RMDN2: variants seen among roughly 807,000 people sequenced by gnomAD.
RMDN2 encodes the protein regulator of microtubule dynamics protein 2.
In RMDN2, 61 loss-of-function variants were observed where a neutral mutation model predicts 52.8. That is an observed-to-expected ratio of 1.16 (90% CI 0.94 to 1.43). RMDN2 has a LOEUF of 1.43. RMDN2 is among the 40% of genes most tolerant of loss of function. RMDN2 has a pLI of 0.00. For synonymous variants in RMDN2, 180 were observed against 153.1 expected (o/e 1.18, Z -1.30); for missense variants, 592 against 475.3 (o/e 1.25, Z -2.28).
At chr2:37,946,685 A>G (rs1244140727) in intron 2 of RMDN2, among the ~76,000 whole-genome samples, 4 of 152,284 alleles carry the variant, frequency 2.6e-5, no homozygotes, top group African/African-American at 9.6e-5. Flanking sequence ...ATTCAAGACT[A>G]TATACTACCA....
In RMDN2 at chr2:38,017,537, A is replaced by G. The variant is rs368178071; in HGVS notation, c.*298A>G. The G allele has an allele frequency of 2.7e-6, 3 of 1,129,290 alleles. No individual in the cohort carries two copies. The highest frequency in any genetic ancestry group is 3.5e-6 in the Non-Finnish European group (3 of 853,824). 70.0% of individuals were successfully genotyped at this position (1,129,290 alleles called of 1,614,324 possible). On this transcript the variant is annotated 3_prime_UTR_variant, in exon 11 of 11. Transcript: ENST00000354545. ...TCTTTAAATAAAATATTTAAATCCA[A>G]TAAAATGAATTCTCATGAATATTTT...
At chr2:38,034,582 T>TA (rs1267358006) in intron 10 of RMDN2, among the ~76,000 whole-genome samples, 3 of 152,148 alleles carry the variant, frequency 2.0e-5, no homozygotes, top group Admixed American at 1.3e-4. Flanking sequence ...CAAAAAGGAT[T>TA]AAATTGTATT....
At chr2:38,024,837 T>C (rs1679658731) in intron 10 of RMDN2, among the ~76,000 whole-genome samples, 1 of 152,148 alleles carries the variant, frequency 6.6e-6, no homozygotes, top group Non-Finnish European at 1.5e-5. Flanking sequence ...AAAATCAGCT[T>C]TCCATATATG....
At chr2:37,933,346 C>T (rs577055784) in intron 2 of RMDN2, among the ~76,000 whole-genome samples, 7 of 152,132 alleles carry the variant, frequency 4.6e-5, no homozygotes, top group South Asian at 2.1e-4. Flanking sequence ...CAGGCGGAGA[C>T]GCTCCTCACT....
At chr2:38,048,372 G>A (rs189047184) in intron 10 of RMDN2, among the ~76,000 whole-genome samples, 17 of 152,312 alleles carry the variant, frequency 1.1e-4, no homozygotes, top group African/African-American at 3.8e-4. Context: ...TTCTTGGGCA[G>A]GACTTTACAA....
At chr2:37,943,246 C>T (rs1477777760) in intron 2 of RMDN2, among the ~76,000 whole-genome samples, 11 of 152,150 alleles carry the variant, frequency 7.2e-5, no homozygotes, top group Non-Finnish European at 1.6e-4. Flanking sequence ...GGAACCAGTA[C>T]TGAAGAAGTG....
chr2:37,972,645 C>G (rs1002078532), intron 2 of RMDN2, among the ~76,000 whole-genome samples: 3 of 152,132 alleles, frequency 2.0e-5, no homozygotes, highest in Non-Finnish European at 2.9e-5. Context: ...GGGTCAAGGA[C>G]TAAAGCAAAG....
At chr2:38,066,534 G>A (rs1219303305) in intron 10 of RMDN2, among the ~76,000 whole-genome samples, 4 of 152,154 alleles carry the variant, frequency 2.6e-5, no homozygotes, top group Admixed American at 1.3e-4. Flanking sequence ...GCCAAAAAAC[G>A]GAGAGTTAAC....
intron 2 of RMDN2, among the ~76,000 whole-genome samples, chr2:37,931,110 C>G (rs1666702294): frequency 6.6e-6 from 1 of 151,082 alleles, no homozygotes. Context: ...TAAAACCAGT[C>G]AACAACTTTT....
At position 37,989,613 on chromosome 2, in the gene RMDN2, C is replaced by A. The variant is rs763187680; in HGVS notation, c.864C>A (p.Phe288Leu). The A allele has an allele frequency of 4.4e-6, 7 of 1,576,764 alleles. No individual in the cohort carries two copies. The Admixed American group carries it at 1.0e-4, about 23-fold the overall frequency. Residue 288 changes from phenylalanine to leucine, a missense_variant, in exon 6 of 11, where the codon TTC becomes TTA. Physicochemically the swap from Phe to Leu is conservative, Grantham distance 22. Coordinates refer to ENST00000354545, the MANE Select transcript of RMDN2 (RefSeq NM_001170791.3). ...ACAAAATCAACTATGGGCACCTCTT[C>A]AAGGTATTTCTTTTTTTTTTTTCAT... ...LQNKINYGHL[F>L]KEHLDIAIKL...
chr2:38,054,911 C>A (rs1332783505), intron 10 of RMDN2, among the ~76,000 whole-genome samples: 1 of 152,076 alleles, frequency 6.6e-6, no homozygotes, highest in Non-Finnish European at 1.5e-5. Context: ...GACGGGGGGA[C>A]AAAGGGCTCC....
chr2:37,945,191 A>C (rs1254381376), intron 2 of RMDN2, among the ~76,000 whole-genome samples: 1 of 152,232 alleles, frequency 6.6e-6, no homozygotes, highest in Non-Finnish European at 1.5e-5. Flanking sequence ...TTATTTTCCT[A>C]ATCAGTGTCC....
rs749313315 is a variant in RMDN2, at chr2:37,963,764, AT to A, written c.453-10273del. Among the ~76,000 whole-genome samples, 405 of 152,054 alleles carry A rather than the reference AT, an allele frequency of 2.7e-3. 1 individual carries two copies. The highest frequency in any genetic ancestry group is 4.0e-3 in the Non-Finnish European group (271 of 67,968). Reference sequence around the variant, plus strand: ...TCTGATTTCTCTATCTTTTCCCCACATTTCCCCCCTTTCTATTCCACAAAAC... The same window carrying A: ...TCTGATTTCTCTATCTTTTCCCCACATTCCCCCCTTTCTATTCCACAAAAC... On this transcript the variant is annotated intron_variant, in intron 2 of 10. Coordinates refer to ENST00000354545, the MANE Select transcript of RMDN2 (RefSeq NM_001170791.3).
intron 10 of RMDN2, chr2:38,029,610 C>G (rs1409080056): frequency 1.4e-5 from 2 of 144,334 alleles, no homozygotes; most frequent in Non-Finnish European, 3.0e-5. Context: ...CCTAAGTTTC[C>G]TTTAAAAAAA....
chr2:37,977,345 A>G (rs1672619937), intron 4 of RMDN2, among the ~76,000 whole-genome samples: 1 of 152,184 alleles, frequency 6.6e-6, no homozygotes, highest in Non-Finnish European at 1.5e-5. Flanking sequence ...GTTCTCAACG[A>G]GCTGTTGGGT....
rs144131154 is a variant in RMDN2, at chr2:37,953,654, C to A, written c.453-20386C>A. On this transcript the variant is annotated intron_variant, in intron 2 of 10. Coordinates refer to ENST00000354545, the MANE Select transcript of RMDN2 (RefSeq NM_001170791.3). ...GTGAATAATGCACTGTCTATGAACA[C>A]GTGCATGCAACTGTCTGTTCGAAAC... 5.9e-5 allele frequency among the ~76,000 whole-genome samples: 9 copies of A among 152,138 alleles called. No homozygotes were observed. The South Asian group carries it at 1.2e-3, about 21-fold the overall frequency.
chr2:37,925,202 G>C (rs991029121), upstream of RMDN2: 9 of 152,366 alleles, frequency 5.9e-5, no homozygotes, highest in Non-Finnish European at 1.3e-4. Context: ...CGCCAGTCCC[G>C]GTAGAGTTGA....
intron 10 of RMDN2, among the ~76,000 whole-genome samples, chr2:38,052,374 T>G (rs1178653442): frequency 1.3e-5 from 2 of 152,236 alleles, no homozygotes; most frequent in African/African-American, 4.8e-5. Flanking sequence ...TGGGATTATT[T>G]GGTGGTTTTC....
At chr2:37,990,782 A>G (rs1674683955) in intron 6 of RMDN2, among the ~76,000 whole-genome samples, 1 of 152,022 alleles carries the variant, frequency 6.6e-6, no homozygotes, top group African/African-American at 2.4e-5. Context: ...GTTCTTCCCT[A>G]TTTTCCAGCT....
Sources: gnomAD v4.1 joint callset for allele counts (sites outside exome capture counted in the v4.1 genomes callset) on GRCh38, gnomAD v4.1.1 for gene constraint, MANE v1.5 for transcripts, NCBI Gene and HGNC (gene_info 2026-07-23, HGNC 2026-07-21) for gene names.